The following VAV3 variants were observed in gnomAD, a reference collection of about 807,000 sequenced individuals.
VAV3 encodes the protein guanine nucleotide exchange factor VAV3.
A neutral mutation model predicts 131.2 loss-of-function variants in VAV3; 94 were observed. That is an observed-to-expected ratio of 0.72 (90% CI 0.61 to 0.85). The LOEUF (loss-of-function observed/expected upper bound fraction) is 0.85. Ranked by LOEUF, VAV3 falls within the 40% of genes least tolerant of loss-of-function variation. The pLI, the probability that VAV3 is intolerant of heterozygous loss-of-function variation, is 0.00. For missense variants in VAV3, 939 were observed against 1,002.7 expected (o/e 0.94, Z 0.86); for synonymous variants, 349 against 342.0 (o/e 1.02, Z -0.22).
chr1:107,683,587 T>C, intron 18 of VAV3, 54 bp from the exon 19 acceptor site: 1 of 1,550,020 alleles, frequency 6.5e-7, no homozygotes, highest in South Asian at 1.1e-5. Context: ...AATTTTGCAC[T>C]ATTAAATTGT....
chr1:107,852,325 T>C (rs1227812096), intron 2 of VAV3, among the ~76,000 whole-genome samples: 2 of 152,188 alleles, frequency 1.3e-5, no homozygotes, highest in African/African-American at 2.4e-5. Flanking sequence ...AAGTCTTAAG[T>C]ATTTTTAAAA....
At chr1:107,631,532 T>G (rs1654483193) in intron 20 of VAV3, among the ~76,000 whole-genome samples, 1 of 151,852 alleles carries the variant, frequency 6.6e-6, no homozygotes, top group African/African-American at 2.4e-5. Flanking sequence ...AATGTACAGG[T>G]TAGTTACATA....
At chr1:107,931,407 A>G (rs1010838542) in intron 1 of VAV3, among the ~76,000 whole-genome samples, 1 of 152,248 alleles carries the variant, frequency 6.6e-6, no homozygotes, top group African/African-American at 2.4e-5. Flanking sequence ...CACAATTATT[A>G]TATGCCAATT....
intron 4 of VAV3, 53 bp from the exon 5 acceptor site, chr1:107,772,896 T>C (rs770218461): frequency 4.5e-5 from 63 of 1,402,176 alleles, no homozygotes; most frequent in Non-Finnish European, 6.0e-5. Flanking sequence ...GTAAATGCAA[T>C]AGCTACAAAT....
At chr1:107,668,758 G>A in intron 19 of VAV3, 1 of 983,684 alleles carries the variant, frequency 1.0e-6, no homozygotes, top group Non-Finnish European at 1.2e-6. Flanking sequence ...GAATGTAGGT[G>A]TTTCAGTATG....
intron 1 of VAV3, among the ~76,000 whole-genome samples, chr1:107,922,725 G>A (rs1395143041): frequency 6.6e-6 from 1 of 151,774 alleles, no homozygotes; most frequent in African/African-American, 2.4e-5. Flanking sequence ...GGCAGAGGCG[G>A]GCGGATCATG....
rs371330854 is a variant in VAV3 at position 107,683,528 on chromosome 1, C to T, written c.1737G>A (p.Arg579=). 15 of 1,613,930 alleles carry T rather than the reference C, an allele frequency of 9.3e-6. No individual in the cohort carries two copies. The African/African-American group carries it at 1.6e-4, about 17-fold the overall frequency. Residue 579 remains arginine (R), a synonymous_variant, in exon 19 of 27, where the codon CGG becomes CGA. Transcript: ENST00000370056. The stretch of plus-strand genomic sequence containing the variant: ...TAGGAGTTCTTCGCAGTCCATTGGT[C>T]CGTTTCTGTGCAGTAAAGTAAAACA... ...EQGTLKLPEK[R]TNGLRRTPKQ...
intron 1 of VAV3, among the ~76,000 whole-genome samples, chr1:107,930,513 T>C (rs1187172169): frequency 6.6e-6 from 1 of 152,068 alleles, no homozygotes; most frequent in Admixed American, 6.5e-5. Context: ...GGAAAATAAT[T>C]ACCTAACTAC....
At chr1:107,723,762 TC>T (rs141081066) in intron 15 of VAV3, among the ~76,000 whole-genome samples, 4,251 of 151,994 alleles carry the variant, frequency 0.028, 105 homozygotes, top group African/African-American at 0.059. Context: ...CTTCCATACT[TC>T]CATATTTCTC....
chr1:107,615,112 A>G (rs1284404125), intron 21 of VAV3, among the ~76,000 whole-genome samples: 2 of 152,130 alleles, frequency 1.3e-5, no homozygotes, highest in African/African-American at 2.4e-5. Context: ...TAAGACAAAA[A>G]ATATGTAACA....
intron 20 of VAV3, among the ~76,000 whole-genome samples, chr1:107,625,610 T>C (rs1313158638): frequency 6.6e-6 from 1 of 152,180 alleles, no homozygotes; most frequent in Non-Finnish European, 1.5e-5. Flanking sequence ...GACAAGGACA[T>C]TTCAGCTTCT....
chr1:107,593,831 C>A (rs1651159607), intron 25 of VAV3, among the ~76,000 whole-genome samples: 1 of 151,946 alleles, frequency 6.6e-6, no homozygotes, highest in Non-Finnish European at 1.5e-5. Flanking sequence ...TGTATTCAAG[C>A]CTTAGAAATA....
chr1:107,599,175 AT>A (rs1651639234), intron 24 of VAV3, among the ~76,000 whole-genome samples: 1 of 152,234 alleles, frequency 6.6e-6, no homozygotes, highest in Admixed American at 6.5e-5. Flanking sequence ...AACACTCTTT[AT>A]CACTTCACTA....
chr1:107,819,795 T>C lies in VAV3; in HGVS notation c.322-40303A>G, dbSNP rs150141660. 1.5e-4 allele frequency among the ~76,000 whole-genome samples: 23 copies of C among 152,270 alleles called. No individual in the cohort carries two copies. The East Asian group carries it at 4.2e-3, about 28-fold the overall frequency. On this transcript the variant is annotated intron_variant, in intron 2 of 26. Transcript: ENST00000370056. ...TTAAAATCTATGATAACAGTTGTTA[T>C]AAATAACAACTGCTTTTTTCTTTTC...
rs990164469 is a variant in VAV3, at chr1:107,781,727, C to G, written c.322-2235G>C. On this transcript the variant is annotated intron_variant, in intron 2 of 26. Transcript: ENST00000370056. ...AAAAGAAAAGAAAATACAATTGAAA[C>G]CCTTCATGCAATTTCTTCCTGGTCA... Among the ~76,000 whole-genome samples the G allele has an allele frequency of 4.1e-4, 62 of 152,226 alleles. 1 individual carries two copies. Among genetic ancestry groups the G allele is most frequent in the African/African-American group, 1.5e-3 (61 of 41,538 alleles).
intron 18 of VAV3, among the ~76,000 whole-genome samples, chr1:107,687,644 T>C (rs952625788): frequency 6.6e-6 from 1 of 152,194 alleles, no homozygotes; most frequent in Non-Finnish European, 1.5e-5. Context: ...TAAAATCTTT[T>C]CTGTCTGAAA....
At chr1:107,860,955 A>C (rs370743556) in intron 2 of VAV3, among the ~76,000 whole-genome samples, 32 of 151,874 alleles carry the variant, frequency 2.1e-4, no homozygotes, top group African/African-American at 7.7e-4. Flanking sequence ...GAAGGTGTAG[A>C]AATTAATTCT....
At chr1:107,602,950 A>C in intron 23 of VAV3, 97 bp downstream of exon 23, 2 of 851,938 alleles carry the variant, frequency 2.3e-6, no homozygotes, top group South Asian at 1.9e-5. Flanking sequence ...CTTCAATTAG[A>C]ACTTTGGTTT....
intron 2 of VAV3, among the ~76,000 whole-genome samples, chr1:107,781,757 T>C (rs192009665): frequency 6.6e-6 from 1 of 152,314 alleles, no homozygotes; most frequent in East Asian, 1.9e-4. Context: ...TGGTCAACTA[T>C]GTCGAACATC....
Sources: allele counts gnomAD v4.1 joint callset (sites outside exome capture counted in the v4.1 genomes callset), GRCh38; gene constraint gnomAD v4.1.1; transcripts MANE v1.5; gene names NCBI Gene and HGNC (gene_info 2026-07-23, HGNC 2026-07-21).